Variants in SFMBT2 observed in about 807,000 individuals in gnomAD.
The protein encoded by SFMBT2 is Scm like with four mbt domains 2.
A neutral mutation model predicts 110.1 loss-of-function variants in SFMBT2; 38 were observed. The observed-to-expected ratio is 0.35, with a 90% CI of 0.27 to 0.45. The LOEUF is 0.45. Ranked by LOEUF, SFMBT2 falls within the 20% of genes least tolerant of loss-of-function variation. SFMBT2 has a pLI of 1.00. For synonymous variants in SFMBT2, 425 were observed against 425.4 expected (o/e 1.00, Z 0.01); for missense variants, 1,011 against 1,094.9 (o/e 0.92, Z 1.08).
chr10:7,245,250 T>TA (rs1840569658), intron 8 of SFMBT2, among the ~76,000 whole-genome samples: 2 of 152,196 alleles, frequency 1.3e-5, no homozygotes, highest in South Asian at 4.2e-4. Context: ...CTCCCTCCAT[T>TA]AAAATAAAAG....
intron 15 of SFMBT2, among the ~76,000 whole-genome samples, chr10:7,196,562 C>A (rs1218700217): frequency 6.6e-6 from 1 of 152,364 alleles, no homozygotes; most frequent in Admixed American, 6.5e-5. Flanking sequence ...ATCTCCCTAA[C>A]AAGAGCAGGA....
chr10:7,197,598 C>G lies in SFMBT2; in HGVS notation c.1648G>C (p.Glu550Gln). 1 of 1,614,226 alleles carries G rather than the reference C, an allele frequency of 6.2e-7. No individual in the cohort carries two copies. The highest frequency in any genetic ancestry group is 8.5e-7 in the Non-Finnish European group (1 of 1,180,044). The change falls in exon 15 of 21, where the codon GAG becomes CAG. Residue 550 changes from glutamate to glutamine, a missense_variant. Around this residue, in one of 2 missense-constraint regions of SFMBT2, gnomAD observed 979 missense variants for 1,016.1 expected, o/e 0.96. Transcript: ENST00000397167. ...CCCGGTCCCACCGACTGAGGTAGCTCTGCAATCCTTCCTTTGTTCAGGTAA... is the reference window on the plus strand; with the variant it reads ...CCCGGTCCCACCGACTGAGGTAGCTGTGCAATCCTTCCTTTGTTCAGGTAA... ...GPYLNKGRIAELPQSVGPGKC... is the reference protein window; with the variant it reads ...GPYLNKGRIAQLPQSVGPGKC...
At chr10:7,198,732 T>C (rs1838855809) in intron 14 of SFMBT2, among the ~76,000 whole-genome samples, 2 of 152,192 alleles carry the variant, frequency 1.3e-5, no homozygotes, top group Non-Finnish European at 2.9e-5. Flanking sequence ...AATAATTAAA[T>C]GATAAGACCT....
rs1197860435 is a variant in SFMBT2, at chr10:7,301,554, G to T, written c.437-15600C>A. On this transcript the variant is annotated intron_variant, in intron 4 of 20. Transcript: ENST00000397167. The surrounding 1 kb of genome is among the most constrained non-coding windows in gnomAD (Gnocchi z 4.2). ...GGCACACTTTCCACTGAGACAGTGG[G>T]GGCAGGTCCCCGGGGCCGGCAAATT... Among the ~76,000 whole-genome samples the T allele has an allele frequency of 6.6e-6, 1 of 152,210 alleles. No homozygotes were observed. The highest frequency in any genetic ancestry group is 1.5e-5 in the Non-Finnish European group (1 of 68,036).
chr10:7,159,241 G>C lies in SFMBT2; in HGVS notation c.*4529C>G, dbSNP rs1837488000. 6.6e-6 allele frequency: 1 copy of C among 152,136 alleles called. No homozygotes were observed. Among genetic ancestry groups the C allele is most frequent in the Admixed American group, 6.5e-5 (1 of 15,274 alleles). The allele number at this position is 152,136 out of a possible 1,614,324, so 9.4% of individuals were successfully genotyped here. A position where few individuals can be genotyped will look rare whatever the true frequency, so the allele number is the denominator to read the frequency against. On this transcript the variant is annotated 3_prime_UTR_variant, in exon 21 of 21. Coordinates refer to ENST00000397167, the MANE Select transcript of SFMBT2 (RefSeq NM_001387889.1). ...CAAACAATATGGAATTATTTGAGTT[G>C]TTACTTGTCATTGAAACTAGAGAGG...
At chr10:7,294,526 T>C (rs762917119) in intron 4 of SFMBT2, among the ~76,000 whole-genome samples, 3 of 152,242 alleles carry the variant, frequency 2.0e-5, no homozygotes, top group Admixed American at 6.5e-5. Flanking sequence ...CAAATGCTGC[T>C]GATAGGACAA....
chr10:7,225,053 T>G (rs1392674334), intron 10 of SFMBT2, among the ~76,000 whole-genome samples: 2 of 152,254 alleles, frequency 1.3e-5, no homozygotes, highest in Non-Finnish European at 2.9e-5. Context: ...GTGGGCTATT[T>G]GTTTCTGCAA....
At chr10:7,290,382 C>T (rs1157504618) in intron 4 of SFMBT2, among the ~76,000 whole-genome samples, 1 of 151,906 alleles carries the variant, frequency 6.6e-6, no homozygotes, top group East Asian at 1.9e-4. Context: ...AGTTCCATTC[C>T]ACTAATACCT....
intron 4 of SFMBT2, among the ~76,000 whole-genome samples, chr10:7,363,388 G>A (rs976915644): frequency 1.3e-5 from 2 of 150,868 alleles, no homozygotes; most frequent in Non-Finnish European, 2.9e-5. Flanking sequence ...TCGCCCTGTT[G>A]CCCAGGCTGG....
At chr10:7,302,656 G>A (rs890447270) in intron 4 of SFMBT2, among the ~76,000 whole-genome samples, 7 of 152,192 alleles carry the variant, frequency 4.6e-5, no homozygotes, top group African/African-American at 7.2e-5. Context: ...TCCAAAGTGC[G>A]AGGATCATGA....
chr10:7,303,014 A>G (rs1842595377), intron 4 of SFMBT2, among the ~76,000 whole-genome samples: 1 of 41,442 alleles, frequency 2.4e-5, no homozygotes, highest in Non-Finnish European at 5.5e-5. Context: ...ACAATGTTAA[A>G]AAAAAAAAAA....
At chr10:7,327,782 C>T (rs1204060902) in intron 4 of SFMBT2, among the ~76,000 whole-genome samples, 2 of 152,034 alleles carry the variant, frequency 1.3e-5, no homozygotes, top group African/African-American at 2.4e-5. Context: ...GATTATTCTC[C>T]ATGGTTGTAT....
rs554376288 is a variant in SFMBT2, at chr10:7,170,006, G to A, written c.2544+922C>T. Among the ~76,000 whole-genome samples the A allele has an allele frequency of 6.6e-6, 1 of 152,156 alleles. No individual in the cohort carries two copies. Among genetic ancestry groups the A allele is most frequent in the African/African-American group, 2.4e-5 (1 of 41,430 alleles). On this transcript the variant is annotated intron_variant, in intron 20 of 20. Coordinates refer to ENST00000397167, the MANE Select transcript of SFMBT2 (RefSeq NM_001387889.1). This position sits in a 1 kb window ranked among gnomAD's most constrained non-coding sequence, Gnocchi z 4.6. ...CAATGACGAAAGCAGCATTCAGTAC[G>A]ACACACCAGCCAGCGGGCTTCTGCT...
At chr10:7,272,996 T>C (rs1260940031) in intron 7 of SFMBT2, among the ~76,000 whole-genome samples, 8 of 152,212 alleles carry the variant, frequency 5.3e-5, no homozygotes, top group Non-Finnish European at 1.0e-4. Flanking sequence ...GGTTTTATCA[T>C]ATTGGCCAGG....
intron 4 of SFMBT2, among the ~76,000 whole-genome samples, chr10:7,330,940 G>T (rs185471493): frequency 1.3e-5 from 2 of 152,190 alleles, no homozygotes; most frequent in African/African-American, 4.8e-5. Flanking sequence ...AGCAGTTTGC[G>T]GTCATCTTCA....
At chr10:7,186,025 A>C (rs534863713) in intron 16 of SFMBT2, among the ~76,000 whole-genome samples, 37 of 152,178 alleles carry the variant, frequency 2.4e-4, no homozygotes, top group Non-Finnish European at 3.8e-4. Context: ...ATACATGTTG[A>C]AGGTAATAAT....
At chr10:7,264,807 T>C (rs1370340095) in intron 7 of SFMBT2, among the ~76,000 whole-genome samples, 1 of 152,156 alleles carries the variant, frequency 6.6e-6, no homozygotes, top group Non-Finnish European at 1.5e-5. Flanking sequence ...CAGACCACAG[T>C]GCTCTCTTGG....
At chr10:7,183,464 A>T (rs976942369) in intron 16 of SFMBT2, among the ~76,000 whole-genome samples, 1 of 152,202 alleles carries the variant, frequency 6.6e-6, no homozygotes, top group Admixed American at 6.5e-5. Context: ...GACACTGAGA[A>T]CCCCAGAGTC....
Position 7,171,664 on chromosome 10 carries a change from G to A in SFMBT2, c.2415+231C>T, listed in dbSNP as rs560001391. 49 of 814,074 alleles carry A rather than the reference G, an allele frequency of 6.0e-5. 1 individual carries two copies. The African/African-American group carries it at 6.3e-4, about 10-fold the overall frequency. 50.4% of individuals were successfully genotyped at this position (814,074 alleles called of 1,614,324 possible). A position where few individuals can be genotyped will look rare whatever the true frequency, so the allele number is the denominator to read the frequency against. Reference sequence around the variant, plus strand: ...CAAGAACCCAGGTGGCACTAAAGCCGTCCAGGAAAGAGGCGCTGTCTCCAC... The same window carrying A: ...CAAGAACCCAGGTGGCACTAAAGCCATCCAGGAAAGAGGCGCTGTCTCCAC... On this transcript the variant is annotated intron_variant, in intron 19 of 20. Coordinates refer to ENST00000397167, the MANE Select transcript of SFMBT2 (RefSeq NM_001387889.1). The surrounding 1 kb of genome is among the most constrained non-coding windows in gnomAD (Gnocchi z 4.9).
Sources: allele counts gnomAD v4.1 joint callset (sites outside exome capture counted in the v4.1 genomes callset), GRCh38; gene constraint gnomAD v4.1.1; regional missense constraint gnomAD v4.1.1; non-coding constraint Gnocchi (gnomAD v3.1); transcripts MANE v1.5; gene names NCBI Gene and HGNC (gene_info 2026-07-23, HGNC 2026-07-21).